Variants in PRKN observed in about 807,000 individuals in gnomAD.
PRKN encodes the protein parkin RBR E3 ubiquitin protein ligase, also known as E3 ubiquitin-protein ligase parkin.
A neutral mutation model predicts 59.5 loss-of-function variants in PRKN; 56 were observed. The ratio of observed to expected loss-of-function variants is 0.94; its 90% CI spans 0.76 to 1.18. The LOEUF (loss-of-function observed/expected upper bound fraction) is 1.18, where lower values mean the gene tolerates loss of function less well. PRKN is among the 50% of genes most tolerant of loss of function. PRKN has a pLI of 0.00. For synonymous variants in PRKN, 250 were observed against 222.1 expected (o/e 1.13, Z -1.12); for missense variants, 657 against 596.4 (o/e 1.10, Z -1.06).
At chr6:161,425,296 C>T (rs778390510) in intron 9 of PRKN, among the ~76,000 whole-genome samples, 4 of 152,170 alleles carry the variant, frequency 2.6e-5, no homozygotes, top group African/African-American at 2.4e-5. Context: ...AGAGTACAAA[C>T]TGCATTGAGG....
chr6:162,523,989 G>A (rs1778177476), intron 1 of PRKN, among the ~76,000 whole-genome samples: 1 of 152,160 alleles, frequency 6.6e-6, no homozygotes, highest in Non-Finnish European at 1.5e-5. Context: ...TACGGGCTTT[G>A]CTGGTGACCT....
intron 7 of PRKN, among the ~76,000 whole-genome samples, chr6:161,640,441 C>T (rs1783697530): frequency 6.6e-6 from 1 of 152,134 alleles, no homozygotes; most frequent in African/African-American, 2.4e-5. Flanking sequence ...GCTGCTTATG[C>T]TTAGCTGTGT....
intron 1 of PRKN, among the ~76,000 whole-genome samples, chr6:162,703,092 T>C (rs1293911283): frequency 6.6e-6 from 1 of 152,126 alleles, no homozygotes; most frequent in Non-Finnish European, 1.5e-5. Flanking sequence ...ATTGTATGAG[T>C]CCACTAAGGA....
rs80105049 is a variant in PRKN, at chr6:162,352,772, G to A, written c.172-90007C>T. Among the ~76,000 whole-genome samples the A allele has an allele frequency of 4.0e-3, 613 of 152,242 alleles. 9 individuals carry two copies. Among genetic ancestry groups the A allele is most frequent in the East Asian group, 0.023 (121 of 5,174 alleles). ...TGGAAGCATCGAGAAAGGACAGAGA[G>A]AGTATTATAATTCTAGCAATAGAAA... On this transcript the variant is annotated intron_variant, in intron 2 of 11. Transcript: ENST00000366898.
At chr6:161,862,922 C>G (rs77643823) in intron 6 of PRKN, among the ~76,000 whole-genome samples, 4,354 of 152,240 alleles carry the variant, frequency 0.029, 176 homozygotes, top group African/African-American at 0.089. Flanking sequence ...CATATTGCAA[C>G]AGTCCTAAGA....
At chr6:162,211,178 AAGTGGCACTTACACAC>A (rs1412941098) in intron 3 of PRKN, among the ~76,000 whole-genome samples, 18 of 152,310 alleles carry the variant, frequency 1.2e-4, no homozygotes, top group African/African-American at 4.3e-4. Flanking sequence ...GGCTCTTGCA[AAGTGGCACTTACACAC>A]AGATCGGCAA....
chr6:161,696,953 A>G (rs1786047571), intron 7 of PRKN, among the ~76,000 whole-genome samples: 1 of 152,212 alleles, frequency 6.6e-6, no homozygotes, highest in Non-Finnish European at 1.5e-5. Flanking sequence ...ACATTCTTTC[A>G]TTGAAATGGT....
At chr6:162,143,453 T>C (rs1348529102) in intron 4 of PRKN, among the ~76,000 whole-genome samples, 1 of 152,088 alleles carries the variant, frequency 6.6e-6, no homozygotes, top group Non-Finnish European at 1.5e-5. Context: ...AGATCCTGGT[T>C]CTCAGTGGTG....
At chr6:162,262,400 G>C in intron 3 of PRKN, 125 bp downstream of exon 3, 3 of 1,114,868 alleles carry the variant, frequency 2.7e-6, no homozygotes, top group Non-Finnish European at 4.1e-6. Context: ...TCCTTGTAGT[G>C]AATTAGAGAC....
At chr6:161,598,559 C>G (rs1406965242) in intron 7 of PRKN, among the ~76,000 whole-genome samples, 1 of 152,148 alleles carries the variant, frequency 6.6e-6, no homozygotes, top group Non-Finnish European at 1.5e-5. Flanking sequence ...AAACCCAAAA[C>G]ATATACACGC....
chr6:162,625,963 C>T (rs967838577), intron 1 of PRKN, among the ~76,000 whole-genome samples: 6 of 152,170 alleles, frequency 3.9e-5, no homozygotes, highest in African/African-American at 1.4e-4. Flanking sequence ...TATCACAGTT[C>T]AGGCAGACCT....
chr6:162,359,095 T>TAC (rs1554304710), intron 2 of PRKN, among the ~76,000 whole-genome samples: 1 of 141,980 alleles, frequency 7.0e-6, no homozygotes, highest in East Asian at 2.0e-4. Flanking sequence ...TATATATATA[T>TAC]ATGAAATCAC....
intron 2 of PRKN, among the ~76,000 whole-genome samples, chr6:162,442,672 G>A (rs572548402): frequency 1.3e-5 from 2 of 152,242 alleles, no homozygotes; most frequent in South Asian, 2.1e-4. Flanking sequence ...CACTTATTAC[G>A]TTGCAGGGGC....
intron 1 of PRKN, among the ~76,000 whole-genome samples, chr6:162,493,795 A>G (rs1792929890): frequency 6.6e-6 from 1 of 152,146 alleles, no homozygotes; most frequent in African/African-American, 2.4e-5. Context: ...ACCCCACACC[A>G]TCTCAACGAA....
intron 6 of PRKN, among the ~76,000 whole-genome samples, chr6:161,937,618 G>C (rs1352838664): frequency 6.6e-6 from 1 of 152,178 alleles, no homozygotes; most frequent in Non-Finnish European, 1.5e-5. Context: ...AGAATGCTTA[G>C]ACAACTTTCA....
chr6:161,721,477 C>T (rs1304994278), intron 7 of PRKN, among the ~76,000 whole-genome samples: 1 of 152,152 alleles, frequency 6.6e-6, no homozygotes, highest in East Asian at 1.9e-4. Context: ...GCCAGATCTA[C>T]ATAGAGGACA....
chr6:161,415,676 G>A (rs2115015995), intron 9 of PRKN, among the ~76,000 whole-genome samples: 1 of 139,464 alleles, frequency 7.2e-6, no homozygotes, highest in African/African-American at 2.7e-5. Context: ...TGCTGCAATA[G>A]TCTAATCTCT....
intron 1 of PRKN, among the ~76,000 whole-genome samples, chr6:162,478,699 G>A (rs185630128): frequency 6.6e-6 from 1 of 152,278 alleles, no homozygotes; most frequent in East Asian, 1.9e-4. Context: ...AAACCCAGAT[G>A]GTACAGGCGA....
intron 4 of PRKN, among the ~76,000 whole-genome samples, chr6:162,111,705 TAA>T (rs200947128): frequency 6.9e-6 from 1 of 145,410 alleles, no homozygotes; most frequent in Non-Finnish European, 1.5e-5. Context: ...GTCTCACAAT[TAA>T]AAAAAAAAAG....
Sources: gnomAD v4.1 joint callset for allele counts (sites outside exome capture counted in the v4.1 genomes callset) on GRCh38, gnomAD v4.1.1 for gene constraint, MANE v1.5 for transcripts, NCBI Gene and HGNC (gene_info 2026-07-23, HGNC 2026-07-21) for gene names.